ABCC1: variants seen among roughly 807,000 people sequenced by gnomAD.
ABCC1 encodes the protein ATP binding cassette subfamily C member 1 (ABCC1 blood group), also known as multidrug resistance-associated protein 1.
In ABCC1, 83 loss-of-function variants were observed where a neutral mutation model predicts 172.9. The observed-to-expected ratio is 0.48, with a 90% confidence interval of 0.40 to 0.58. The LOEUF (loss-of-function observed/expected upper bound fraction) is 0.58, where lower values mean the gene tolerates loss of function less well. Among genes scored for constraint, ABCC1 ranks in the 20% least tolerant of loss-of-function variants. The probability of loss-of-function intolerance (pLI) is 0.00; values close to 1 mark genes in which losing one functional copy is unlikely to be tolerated. For missense variants in ABCC1, 1,817 were observed against 2,002.7 expected, an observed-to-expected ratio of 0.91 and a Z score of 1.77; for synonymous variants, 937 against 825.2, an observed-to-expected ratio of 1.14 and a Z score of -2.32.
In ABCC1 at chr16:16,101,050, TAGAC is replaced by T. The variant is rs778982108; in HGVS notation, c.2645-1573_2645-1570del. Among the ~76,000 whole-genome samples the T allele has an allele frequency of 1.6e-3, 242 of 152,076 alleles. 2 individuals are homozygous for T. Among genetic ancestry groups the T allele is most frequent in the Non-Finnish European group, 2.5e-3 (173 of 67,984 alleles). ...TATTTTTATTTTTTATTTTTATTTTTAGACAGAGTCTCGCTCTGTCACCCAGGCT... is the reference window on the plus strand; with the variant it reads ...TATTTTTATTTTTTATTTTTATTTTTAGAGTCTCGCTCTGTCACCCAGGCT... On this transcript the variant is annotated intron_variant, in intron 19 of 30. Transcript: ENST00000399410.
At chr16:16,137,098 T>A (rs1307008970) in intron 29 of ABCC1, among the ~76,000 whole-genome samples, 1 of 152,168 alleles carries the variant, frequency 6.6e-6, no homozygotes, top group South Asian at 2.1e-4. Context: ...TTTGGTGGTG[T>A]TTGTTAGTGC....
chr16:16,141,390 A>C lies in ABCC1; in HGVS notation c.*109A>C. 1 of 1,025,084 alleles carries C rather than the reference A, an allele frequency of 9.8e-7. No individual in the cohort carries two copies. The highest frequency in any genetic ancestry group is 1.4e-5 in the South Asian group (1 of 69,556). 63.5% of individuals were successfully genotyped at this position (1,025,084 alleles called of 1,614,324 possible). A position where few individuals can be genotyped will look rare whatever the true frequency, so the allele number is the denominator to read the frequency against. ...GCCTCCCACACTGAAACCAAAACAT[A>C]AAAACCAAACCCAGACAACCAAAAC... On this transcript the variant is annotated 3_prime_UTR_variant, in exon 31 of 31. Transcript: ENST00000399410.
intron 21 of ABCC1, among the ~76,000 whole-genome samples, chr16:16,107,788 A>G (rs1201998696): frequency 6.6e-6 from 1 of 152,062 alleles, no homozygotes; most frequent in East Asian, 1.9e-4. Flanking sequence ...GTGGTGATCC[A>G]AAGTTTATTT....
rs532397715 is a variant in ABCC1 at position 16,077,543 on chromosome 16, C to A, written c.1988+1142C>A. 2.9e-4 allele frequency among the ~76,000 whole-genome samples: 43 copies of A among 147,406 alleles called. No individual in the cohort carries two copies. In the South Asian group the frequency reaches 6.9e-3, roughly 23 times the overall value. ...TAAGAATATTTCAGTCTCACGTGGA[C>A]AGTGGCAGGTACTGTCTCACGTGGA... is the stretch of plus-strand genomic sequence containing the variant. On this transcript the variant is annotated intron_variant, in intron 15 of 30. Coordinates refer to ENST00000399410, the MANE Select transcript of ABCC1 (RefSeq NM_004996.4).
intron 22 of ABCC1, 23 bp from the exon 23 acceptor site, chr16:16,114,743 G>C: frequency 6.4e-7 from 1 of 1,568,312 alleles, no homozygotes; most frequent in Non-Finnish European, 8.7e-7. Context: ...GCATTGTGGA[G>C]TTTTAACTCC....
intron 1 of ABCC1, among the ~76,000 whole-genome samples, chr16:15,952,528 C>T (rs2045895920): frequency 2.0e-5 from 3 of 152,054 alleles, no homozygotes; most frequent in South Asian, 4.2e-4. Flanking sequence ...GACCTTTACT[C>T]AGACAGATGC....
chr16:15,979,056 G>T (rs951088878), intron 1 of ABCC1, among the ~76,000 whole-genome samples: 2 of 152,050 alleles, frequency 1.3e-5, no homozygotes, highest in African/African-American at 4.8e-5. Flanking sequence ...ACTTCGGGGG[G>T]CCCAGGTGGG....
chr16:16,025,399 G>A (rs1418610856), intron 5 of ABCC1, among the ~76,000 whole-genome samples: 1 of 152,198 alleles, frequency 6.6e-6, no homozygotes, highest in East Asian at 1.9e-4. Flanking sequence ...CAGTAGGTCT[G>A]GGTGGGGCCC....
At chr16:15,962,854 C>T (rs1034406546) in intron 1 of ABCC1, among the ~76,000 whole-genome samples, 1 of 152,190 alleles carries the variant, frequency 6.6e-6, no homozygotes, top group African/African-American at 2.4e-5. Flanking sequence ...CATTCTGCCC[C>T]TGGCCCCTCC....
At chr16:16,048,551 T>TA (rs2049307719) in intron 10 of ABCC1, among the ~76,000 whole-genome samples, 1 of 152,202 alleles carries the variant, frequency 6.6e-6, no homozygotes, top group Non-Finnish European at 1.5e-5. Context: ...ACAGTGTCAG[T>TA]AATTAACTAC....
At position 16,048,145 on chromosome 16, in the gene ABCC1, C is replaced by G; in HGVS notation, c.1222C>G (p.Leu408Val). Residue 408 changes from leucine to valine, a missense_variant, in exon 10 of 31, where the codon CTG (leucine) becomes GTG (valine). This residue lies in a region of ABCC1 where 1,412 missense variants were observed against 1,600.3 expected (regional missense o/e 0.88). Coordinates refer to ENST00000399410, the MANE Select transcript of ABCC1 (RefSeq NM_004996.4). ...TTCCCTCTCCTTTGTCCCACAGGCCCTGGTGATCACCAATTCAGCCAGAAA... is the reference window on the plus strand; with the variant it reads ...TTCCCTCTCCTTTGTCCCACAGGCCGTGGTGATCACCAATTCAGCCAGAAA... ...AVIGAVYRKA[L>V]VITNSARKSS... is the part of the protein sequence containing the mutation. 6.2e-7 allele frequency: 1 copy of G among 1,614,156 alleles called. No individual in the cohort carries two copies.
intron 1 of ABCC1, among the ~76,000 whole-genome samples, chr16:15,985,431 T>C (rs1329225621): frequency 6.6e-6 from 1 of 152,114 alleles, no homozygotes; most frequent in Non-Finnish European, 1.5e-5. Flanking sequence ...TTGCCTGCTC[T>C]ATTGGTTTCT....
chr16:16,063,519 T>G (rs1453869067), intron 12 of ABCC1, among the ~76,000 whole-genome samples: 4 of 152,184 alleles, frequency 2.6e-5, no homozygotes, highest in African/African-American at 9.6e-5. Flanking sequence ...AATGAGAGGT[T>G]GAAATAAATC....
At chr16:16,013,925 A>G (rs1162804972) in intron 3 of ABCC1, among the ~76,000 whole-genome samples, 4 of 152,134 alleles carry the variant, frequency 2.6e-5, no homozygotes, top group Non-Finnish European at 1.5e-5. Context: ...AGCAGGGGCG[A>G]TGGGGCAGAG....
intron 3 of ABCC1, among the ~76,000 whole-genome samples, chr16:16,013,215 A>G (rs2047860239): frequency 6.6e-6 from 1 of 151,834 alleles, no homozygotes; most frequent in African/African-American, 2.4e-5. Context: ...ACTATATCCC[A>G]GGGAACCAGG....
At chr16:15,983,730 A>ATTTTTTTTTTTTTTTTTTTTTTT (rs1172792544) in intron 1 of ABCC1, among the ~76,000 whole-genome samples, 1 of 151,714 alleles carries the variant, frequency 6.6e-6, no homozygotes, top group African/African-American at 2.4e-5. Flanking sequence ...TAATTTTGGT[A>ATTTTTTTTTTTTTTTTTTTTTTT]TTTTTATTGG....
At chr16:16,082,732 C>G (rs1410456070) in intron 16 of ABCC1, among the ~76,000 whole-genome samples, 1 of 152,196 alleles carries the variant, frequency 6.6e-6, no homozygotes, top group Non-Finnish European at 1.5e-5. Context: ...CGTGGTACCT[C>G]CATTTCCTGG....
At chr16:15,969,471 C>T (rs1020402773) in intron 1 of ABCC1, among the ~76,000 whole-genome samples, 4 of 149,928 alleles carry the variant, frequency 2.7e-5, no homozygotes, top group Non-Finnish European at 4.4e-5. Flanking sequence ...TGCCAGGGTT[C>T]GAGTGATTCT....
Position 15,990,895 on chromosome 16 carries a change from C to A in ABCC1, c.49-16921C>A, listed in dbSNP as rs2046848227. The stretch of plus-strand genomic sequence containing the variant: ...AGCCAGGTTGGTCTCGACCTCCTGA[C>A]CTTGTGATCCGCCTGCCTTGACCTC... On this transcript the variant is annotated intron_variant, in intron 1 of 30. Transcript: ENST00000399410. Among the ~76,000 whole-genome samples, 3 of 150,458 alleles carry A rather than the reference C, an allele frequency of 2.0e-5. No individual in the cohort carries two copies. In the Admixed American group the frequency reaches 2.0e-4, roughly 10 times the overall value.
Sources: gnomAD v4.1 joint callset for allele counts (sites outside exome capture counted in the v4.1 genomes callset) on GRCh38, gnomAD v4.1.1 for gene constraint, gnomAD v4.1.1 regional missense constraint, MANE v1.5 for transcripts, NCBI Gene and HGNC (gene_info 2026-07-23, HGNC 2026-07-21) for gene names.